The following MMP26 variants were observed in gnomAD, a reference collection of about 807,000 sequenced individuals.
MMP26 encodes matrix metallopeptidase 26.
MMP26 carries 33 observed loss-of-function variants against 31.0 expected under a neutral mutation model. The observed-to-expected ratio is 1.06, with a 90% CI of 0.81 to 1.42. The LOEUF is 1.42. Among genes scored for constraint, MMP26 ranks in the 40% most tolerant of loss-of-function variants. MMP26 has a pLI of 0.00. For synonymous variants in MMP26, 122 were observed against 114.9 expected, an observed-to-expected ratio of 1.06 and a Z score of -0.40; for missense variants, 347 against 316.1, an observed-to-expected ratio of 1.10 and a Z score of -0.74.
At chr11:4,833,842 C>G (rs561545547) in intron 2 of MMP26, among the ~76,000 whole-genome samples, 24 of 152,102 alleles carry the variant, frequency 1.6e-4, no homozygotes, top group Non-Finnish European at 3.4e-4. Context: ...GGGACTGAAA[C>G]TTTGGTGCTC....
At chr11:4,798,934 G>T (rs899453479) in intron 2 of MMP26, among the ~76,000 whole-genome samples, 27 of 152,152 alleles carry the variant, frequency 1.8e-4, no homozygotes, top group Non-Finnish European at 3.7e-4. Context: ...TCACAGTTTG[G>T]TTCTAAGTCA....
intron 2 of MMP26, chr11:4,882,304 T>C (rs1850481438): frequency 6.2e-7 from 1 of 1,614,002 alleles, no homozygotes; most frequent in African/African-American, 1.3e-5. Flanking sequence ...TGAACTATGC[T>C]ACTATCCTCA....
At chr11:4,744,002 T>TG (rs1848347846) in intron 1 of MMP26, among the ~76,000 whole-genome samples, 1 of 152,116 alleles carries the variant, frequency 6.6e-6, no homozygotes, top group Admixed American at 6.6e-5. Flanking sequence ...AGAGATAATG[T>TG]GTTGCCCAGG....
intron 1 of MMP26, among the ~76,000 whole-genome samples, chr11:4,742,374 C>A (rs1848326257): frequency 6.6e-6 from 1 of 152,010 alleles, no homozygotes; most frequent in Non-Finnish European, 1.5e-5. Flanking sequence ...GAATGGTTTC[C>A]AGCAAATAAT....
At chr11:4,941,844 G>C (rs1339887794) in intron 2 of MMP26, among the ~76,000 whole-genome samples, 2 of 151,646 alleles carry the variant, frequency 1.3e-5, no homozygotes, top group East Asian at 3.9e-4. Context: ...CCAGCACTTT[G>C]GGAGGCCGAG....
chr11:4,853,852 A>G (rs1719169614), intron 2 of MMP26, among the ~76,000 whole-genome samples: 1 of 152,170 alleles, frequency 6.6e-6, no homozygotes, highest in African/African-American at 2.4e-5. Flanking sequence ...GCACTGACAA[A>G]TTTTCCTGAA....
intron 2 of MMP26, chr11:4,903,719 A>AG: frequency 6.6e-6 from 1 of 152,276 alleles, no homozygotes; most frequent in African/African-American, 2.4e-5. Flanking sequence ...AAAGAGAAGT[A>AG]GGTACCTCTA....
chr11:4,965,983 A>G, intron 2 of MMP26, among the ~76,000 whole-genome samples: 1 of 152,198 alleles, frequency 6.6e-6, no homozygotes, highest in East Asian at 1.9e-4. Flanking sequence ...TGGATTTTTT[A>G]TACCGTTTAA....
rs1847011557 is a variant in MMP26, at chr11:4,991,962, A to G, written c.596-2A>G. 10 of 1,575,270 alleles carry G rather than the reference A, an allele frequency of 6.3e-6. No individual in the cohort carries two copies. The highest frequency in any genetic ancestry group is 1.2e-5 in the South Asian group (1 of 83,678). ...ATCTTTTTTTTTTCTATAATTTTTC[A>G]GGATATAATCTGTTCCTGGTTGCAA... On this transcript the variant is annotated splice_acceptor_variant, in intron 6 of 7. Transcript: ENST00000380390. LOFTEE classifies it high-confidence loss of function.
At chr11:4,957,460 G>A (rs934603554) in intron 2 of MMP26, among the ~76,000 whole-genome samples, 1 of 152,002 alleles carries the variant, frequency 6.6e-6, no homozygotes, top group Non-Finnish European at 1.5e-5. Context: ...TTGTCCTCTT[G>A]TAATTGGGCA....
chr11:4,890,979 G>GAAT (rs71050436), intron 2 of MMP26, among the ~76,000 whole-genome samples: 17,728 of 136,912 alleles, frequency 0.13, 1,212 homozygotes, highest in East Asian at 0.24. Context: ...AATGAACTCA[G>GAAT]AATAATAATA....
At chr11:4,875,272 G>A (rs1243699802) in intron 2 of MMP26, 3 of 152,216 alleles carry the variant, frequency 2.0e-5, no homozygotes, top group East Asian at 3.9e-4. Flanking sequence ...AAATGAAAAT[G>A]ACAATGGGAA....
intron 1 of MMP26, among the ~76,000 whole-genome samples, chr11:4,745,247 C>T (rs10836568): frequency 0.097 from 14,734 of 152,092 alleles, 777 homozygotes; most frequent in Middle Eastern, 0.2. Context: ...AAGATCAAAA[C>T]GAATATGTTT....
intron 2 of MMP26, among the ~76,000 whole-genome samples, chr11:4,920,286 C>G (rs907844756): frequency 1.3e-5 from 2 of 152,116 alleles, no homozygotes; most frequent in African/African-American, 4.8e-5. Context: ...ATGTAAGTAC[C>G]TAGTAGAACC....
intron 2 of MMP26, among the ~76,000 whole-genome samples, chr11:4,811,493 G>A (rs1447290672): frequency 6.6e-6 from 1 of 152,102 alleles, no homozygotes; most frequent in Non-Finnish European, 1.5e-5. Context: ...AATTTGCTTA[G>A]GATAATGGCC....
intron 2 of MMP26, among the ~76,000 whole-genome samples, chr11:4,982,386 G>A (rs1237336401): frequency 2.0e-5 from 3 of 152,076 alleles, no homozygotes; most frequent in Non-Finnish European, 4.4e-5. Context: ...TCTTATGGGA[G>A]CACCATGCTA....
intron 2 of MMP26, among the ~76,000 whole-genome samples, chr11:4,768,462 TA>T (rs1390885581): frequency 6.6e-6 from 1 of 152,208 alleles, no homozygotes; most frequent in Non-Finnish European, 1.5e-5. Context: ...CTTTTGATCT[TA>T]AAACATTTCT....
At chr11:4,783,196 C>A (rs116906912) in intron 2 of MMP26, among the ~76,000 whole-genome samples, 2,969 of 152,352 alleles carry the variant, frequency 0.019, 53 homozygotes, top group South Asian at 0.072. Context: ...CCTGTGAAAG[C>A]AACCAGGTGG....
chr11:4,790,282 G>A (rs1849007695), intron 2 of MMP26, among the ~76,000 whole-genome samples: 1 of 152,172 alleles, frequency 6.6e-6, no homozygotes, highest in African/African-American at 2.4e-5. Flanking sequence ...TGCGGAGGCT[G>A]CGGTGAGCCA....
Sources: allele counts gnomAD v4.1 joint callset (sites outside exome capture counted in the v4.1 genomes callset), GRCh38; gene constraint gnomAD v4.1.1; transcripts MANE v1.5; gene names NCBI Gene and HGNC (gene_info 2026-07-23, HGNC 2026-07-21).